Variants in ERICH2 observed in about 807,000 individuals in gnomAD.
The protein encoded by ERICH2 is glutamate rich 2, also known as glutamate-rich protein 2.
Under a neutral mutation model 17.4 loss-of-function variants are expected in ERICH2, and 17 were observed. That is an observed-to-expected ratio of 0.98 (90% CI 0.67 to 1.47). The LOEUF (loss-of-function observed/expected upper bound fraction) is 1.47. Among genes scored for constraint, ERICH2 ranks in the 40% most tolerant of loss-of-function variants. The pLI, the probability that ERICH2 is intolerant of heterozygous loss-of-function variation, is 0.00. For synonymous variants in ERICH2, 51 were observed against 61.1 expected, an observed-to-expected ratio of 0.83 and a Z score of 0.77; for missense variants, 186 against 183.2, an observed-to-expected ratio of 1.01 and a Z score of -0.09.
Position 170,792,873 on chromosome 2 carries a change from C to T in ERICH2, c.227C>T (p.Ala76Val), listed in dbSNP as rs1349769509. The change falls in exon 3 of 5, where the codon GCA becomes GTA. Residue 76 changes from alanine to valine, a missense_variant. Coordinates refer to ENST00000409885, the Ensembl canonical transcript of ERICH2. ...TTTAATGTTTTCCAGTTTCTGAGAG[C>T]AGAAATGGCCCGAGAGTACCAGCTG... is the stretch of plus-strand genomic sequence containing the variant. 3.3e-6 allele frequency: 5 copies of T among 1,511,794 alleles called. No individual in the cohort carries two copies. The Admixed American group carries it at 8.4e-5, about 25-fold the overall frequency. The allele number at this position is 1,511,794 out of a possible 1,614,324, so 93.6% of individuals were successfully genotyped here. A position where few individuals can be genotyped will look rare whatever the true frequency, so the allele number is the denominator to read the frequency against.
At chr2:170,777,425 G>A in the ERICH2 span, 13 of 1,195,584 alleles carry the variant, frequency 1.1e-5, no homozygotes, top group Admixed American at 8.8e-5. Context: ...TGATCCAAAC[G>A]GTAAATGATT....
upstream of ERICH2, chr2:170,779,771 A>G (rs1700984812): frequency 2.3e-6 from 2 of 869,204 alleles, no homozygotes; most frequent in Admixed American, 6.2e-5. Context: ...GCTATTTTTT[A>G]TTCCCATTTT....
upstream of ERICH2, chr2:170,779,849 C>G (rs780103342): frequency 4.0e-5 from 39 of 984,898 alleles, no homozygotes; most frequent in East Asian, 1.1e-4. Context: ...ACCTCACCAA[C>G]ACAGGTCTCT....
chr2:170,770,523 G>A, the ERICH2 span, among the ~76,000 whole-genome samples: 1 of 151,882 alleles, frequency 6.6e-6, no homozygotes, highest in Non-Finnish European at 1.5e-5. Flanking sequence ...AATCTTCTTG[G>A]GGCGACCTCA....
the ERICH2 span, among the ~76,000 whole-genome samples, chr2:170,776,251 T>C: frequency 4.2e-4 from 64 of 152,328 alleles, no homozygotes; most frequent in Non-Finnish European, 2.1e-4. Flanking sequence ...AATTATATTT[T>C]AGAATCAAAA....
At chr2:170,777,372 T>C in the ERICH2 span, 1 of 1,117,392 alleles carries the variant, frequency 8.9e-7, no homozygotes, top group Non-Finnish European at 1.1e-6. Context: ...CTGCTTCTAT[T>C]TTAGACAGCA....
At chr2:170,797,954 T>C (rs1448332426) in intron 3 of ERICH2, 87 bp from the exon 9 acceptor site, 1 of 851,284 alleles carries the variant, frequency 1.2e-6, no homozygotes, top group Non-Finnish European at 1.9e-6. Context: ...CTGCTCTGAC[T>C]GACAGTTCAA....
the ERICH2 span, chr2:170,777,482 T>C: frequency 8.7e-7 from 1 of 1,155,798 alleles, no homozygotes; most frequent in Non-Finnish European, 1.1e-6. Flanking sequence ...TCCTAAATAG[T>C]AAGAAGACTA....
intron 2 of ERICH2, among the ~76,000 whole-genome samples, chr2:170,787,275 CT>C (rs1015369222): frequency 6.6e-6 from 1 of 152,174 alleles, no homozygotes; most frequent in East Asian, 1.9e-4. Context: ...GGGGTACAAA[CT>C]TTTTTTGTTT....
chr2:170,774,749 A>G, the ERICH2 span, among the ~76,000 whole-genome samples: 1 of 150,590 alleles, frequency 6.6e-6, no homozygotes. Context: ...ATTTTTTTTG[A>G]TATTTTTAGT....
At chr2:170,798,042 C>A (rs1243025990) in exon 4 of ERICH2, 3 of 1,544,866 alleles carry the variant, frequency 1.9e-6, no homozygotes, top group Non-Finnish European at 2.6e-6. Flanking sequence ...CATTTTCAGT[C>A]CTAATCTATG....
At chr2:170,783,428 T>C (rs927796513), upstream of ERICH2, among the ~76,000 whole-genome samples, 4 of 152,164 alleles carry the variant, frequency 2.6e-5, no homozygotes, top group Non-Finnish European at 4.4e-5. Flanking sequence ...CGTGCGCCTG[T>C]AGTCCAGCTA....
At chr2:170,789,594 T>C (rs1701235657) in intron 2 of ERICH2, among the ~76,000 whole-genome samples, 2 of 152,188 alleles carry the variant, frequency 1.3e-5, no homozygotes, top group Non-Finnish European at 2.9e-5. Context: ...TTCAGCTTAA[T>C]TTTGGAGTGT....
chr2:170,774,563 T>C, the ERICH2 span, among the ~76,000 whole-genome samples: 1 of 2,110 alleles, frequency 4.7e-4, no homozygotes, highest in South Asian at 0.019. Context: ...AAGAGCCCCA[T>C]CTTTTTTTTT....
the ERICH2 span, among the ~76,000 whole-genome samples, chr2:170,772,430 C>T: frequency 6.6e-6 from 1 of 152,138 alleles, no homozygotes; most frequent in Non-Finnish European, 1.5e-5. Context: ...TGCAATTTAA[C>T]TCTATAAGGT....
chr2:170,788,242 A>C (rs1013605394), intron 2 of ERICH2, among the ~76,000 whole-genome samples: 1 of 152,200 alleles, frequency 6.6e-6, no homozygotes, highest in Non-Finnish European at 1.5e-5. Context: ...CTAGACACCT[A>C]AATCATTCAT....
At chr2:170,770,929 G>C in the ERICH2 span, among the ~76,000 whole-genome samples, 1 of 144,942 alleles carries the variant, frequency 6.9e-6, no homozygotes, top group Non-Finnish European at 1.5e-5. Flanking sequence ...CCTACGGCCT[G>C]GGCCCGCCTC....
intron 3 of ERICH2, 145 bp from the exon 9 acceptor site, chr2:170,797,896 A>C (rs895498607): frequency 1.7e-4 from 100 of 595,022 alleles, no homozygotes; most frequent in Non-Finnish European, 2.7e-5. Context: ...TTGTACTCAG[A>C]TATACCTGTG....
chr2:170,785,324 C>T (rs1379093698), intron 2 of ERICH2, among the ~76,000 whole-genome samples: 1 of 152,058 alleles, frequency 6.6e-6, no homozygotes, highest in African/African-American at 2.4e-5. Flanking sequence ...TACCTGGCTA[C>T]TCATCTCTCT....
Sources: gnomAD v4.1 joint callset for allele counts (sites outside exome capture counted in the v4.1 genomes callset) on GRCh38, gnomAD v4.1.1 for gene constraint, MANE v1.5 for transcripts, NCBI Gene and HGNC (gene_info 2026-07-23, HGNC 2026-07-21) for gene names.